Variants in ADAMTS19 observed in about 807,000 individuals in gnomAD.
ADAMTS19 encodes A disintegrin and metalloproteinase with thrombospondin motifs 19.
Under a neutral mutation model 153.3 loss-of-function variants are expected in ADAMTS19, and 93 were observed. The ratio of observed to expected loss-of-function variants is 0.61; its 90% CI spans 0.51 to 0.72. ADAMTS19 has a LOEUF of 0.72. Among genes scored for constraint, ADAMTS19 ranks in the 30% least tolerant of loss-of-function variants. The pLI is 0.00. For synonymous variants in ADAMTS19, 600 were observed against 556.6 expected, an observed-to-expected ratio of 1.08 and a Z score of -1.10; for missense variants, 1,482 against 1,552.1, an observed-to-expected ratio of 0.95 and a Z score of 0.76.
chr5:129,556,920 A>T (rs1454124423), intron 7 of ADAMTS19, among the ~76,000 whole-genome samples: 1 of 152,186 alleles, frequency 6.6e-6, no homozygotes, highest in Non-Finnish European at 1.5e-5. Flanking sequence ...TAACCTAGAA[A>T]ACTGCAAGAA....
intron 2 of ADAMTS19, among the ~76,000 whole-genome samples, chr5:129,497,612 C>A (rs1253833787): frequency 6.6e-6 from 1 of 152,114 alleles, no homozygotes; most frequent in Admixed American, 6.6e-5. Flanking sequence ...TTACAGGCAG[C>A]TGTCTCTTCC....
At chr5:129,571,427 A>G (rs1484082897) in intron 7 of ADAMTS19, among the ~76,000 whole-genome samples, 2 of 151,678 alleles carry the variant, frequency 1.3e-5, no homozygotes, top group Non-Finnish European at 1.5e-5. Flanking sequence ...GTGTAATCAG[A>G]GCTCCAAAAT....
intron 8 of ADAMTS19, among the ~76,000 whole-genome samples, chr5:129,603,658 G>A (rs576811363): frequency 1.8e-4 from 28 of 152,220 alleles, no homozygotes; most frequent in Admixed American, 7.2e-4. Context: ...GCATAATCCC[G>A]TGACCATTTT....
intron 18 of ADAMTS19, among the ~76,000 whole-genome samples, chr5:129,688,418 T>A (rs1053076129): frequency 1.3e-5 from 2 of 152,158 alleles, no homozygotes; most frequent in African/African-American, 4.8e-5. Context: ...CTGTAATAAG[T>A]GGGAAAATAA....
At chr5:129,648,764 A>G (rs1481413321) in intron 12 of ADAMTS19, 34 bp from the exon 13 acceptor site, 3 of 1,592,522 alleles carry the variant, frequency 1.9e-6, no homozygotes, top group African/African-American at 1.3e-5. Flanking sequence ...AACATAAAAA[A>G]CATAAAATTG....
intron 7 of ADAMTS19, among the ~76,000 whole-genome samples, chr5:129,576,977 C>T (rs1468314735): frequency 6.6e-6 from 1 of 152,130 alleles, no homozygotes; most frequent in Non-Finnish European, 1.5e-5. Context: ...CTCTGACTTC[C>T]ATGGCAGTCG....
intron 2 of ADAMTS19, among the ~76,000 whole-genome samples, chr5:129,488,026 TG>T (rs1750653582): frequency 6.6e-6 from 1 of 152,050 alleles, no homozygotes; most frequent in African/African-American, 2.4e-5. Flanking sequence ...AAAGTAACGT[TG>T]TAACTCTGTA....
chr5:129,641,319 T>A (rs1403399526), intron 10 of ADAMTS19, among the ~76,000 whole-genome samples: 1 of 152,194 alleles, frequency 6.6e-6, no homozygotes, highest in African/African-American at 2.4e-5. Context: ...AAATCCTTCA[T>A]ACTGAAGTAA....
intron 6 of ADAMTS19, among the ~76,000 whole-genome samples, chr5:129,531,462 T>G (rs1475387092): frequency 6.6e-6 from 1 of 152,080 alleles, no homozygotes; most frequent in African/African-American, 2.4e-5. Context: ...TCATCTCTAC[T>G]AAGATTACAA....
rs3979147 is a variant in ADAMTS19, at chr5:129,608,846, C to CAAA, written c.1479-11764_1479-11762dup. On this transcript the variant is annotated intron_variant, in intron 8 of 22. Coordinates refer to ENST00000274487, the MANE Select transcript of ADAMTS19 (RefSeq NM_133638.6). The stretch of plus-strand genomic sequence containing the variant: ...TGGTCAATACAGCAAGACTCTGTCT[C>CAAA]AAAAAAAAAAGAAAAAAAAAAAGAG... Among the ~76,000 whole-genome samples the CAAA allele has an allele frequency of 6.9e-3, 899 of 130,562 alleles. 15 individuals are homozygous for CAAA. Among genetic ancestry groups the CAAA allele is most frequent in the Non-Finnish European group, 0.011 (679 of 62,926 alleles). 85.7% of individuals were successfully genotyped at this position (130,562 alleles called of 152,430 possible).
chr5:129,508,222 A>T (rs369819468), intron 2 of ADAMTS19, among the ~76,000 whole-genome samples: 2 of 152,018 alleles, frequency 1.3e-5, no homozygotes, highest in African/African-American at 4.8e-5. Context: ...ACTATTTGCT[A>T]AAGAGATAAT....
chr5:129,526,531 G>T, intron 4 of ADAMTS19, 75 bp downstream of exon 4: 1 of 1,392,106 alleles, frequency 7.2e-7, no homozygotes, highest in Non-Finnish European at 9.7e-7. Context: ...TATTTATAAT[G>T]AAATTCTTTA....
At chr5:129,578,549 A>T (rs1008242047) in intron 7 of ADAMTS19, among the ~76,000 whole-genome samples, 3 of 151,434 alleles carry the variant, frequency 2.0e-5, no homozygotes, top group Non-Finnish European at 2.9e-5. Context: ...GCACCCATTA[A>T]CCCGTCATCT....
chr5:129,633,091 C>A (rs1752374737), intron 10 of ADAMTS19, among the ~76,000 whole-genome samples: 1 of 152,066 alleles, frequency 6.6e-6, no homozygotes, highest in Admixed American at 6.6e-5. Flanking sequence ...CTTTCTCCTT[C>A]AGAGTGGGTA....
Position 129,460,349 on chromosome 5 carries a change from G to T in ADAMTS19, c.-43G>T. The T allele has an allele frequency of 6.3e-7, 1 of 1,576,228 alleles. No individual in the cohort carries two copies. The highest frequency in any genetic ancestry group is 1.7e-5 in the Admixed American group (1 of 59,840). On this transcript the variant is annotated 5_prime_UTR_variant, in exon 1 of 23. Transcript: ENST00000274487. ...CTGCGCCCCGGAGTGGATCGCGCTG[G>T]AGGCGTGCGCCGGGCGAGAAGCCGC...
rs571906589 is a variant in ADAMTS19 at position 129,578,941 on chromosome 5, C to T, written c.1373-17618C>T. 7.9e-5 allele frequency among the ~76,000 whole-genome samples: 12 copies of T among 152,174 alleles called. No homozygotes were observed. The South Asian group carries it at 2.3e-3, about 29-fold the overall frequency. On this transcript the variant is annotated intron_variant, in intron 7 of 22. Coordinates refer to ENST00000274487, the MANE Select transcript of ADAMTS19 (RefSeq NM_133638.6). ...CTTTATAGTAGAATGATTTATAATCCTTTGGGTATATACCCAGTAATGGGA... is the reference window on the plus strand; with the variant it reads ...CTTTATAGTAGAATGATTTATAATCTTTTGGGTATATACCCAGTAATGGGA...
At chr5:129,684,515 C>CATTAT (rs1561648077) in intron 18 of ADAMTS19, among the ~76,000 whole-genome samples, 1 of 149,072 alleles carries the variant, frequency 6.7e-6, no homozygotes, top group Non-Finnish European at 1.5e-5. Flanking sequence ...CATTACATTA[C>CATTAT]ATTACATTAC....
intron 6 of ADAMTS19, among the ~76,000 whole-genome samples, chr5:129,529,222 G>A (rs1290800991): frequency 1.3e-5 from 2 of 152,018 alleles, no homozygotes; most frequent in African/African-American, 4.8e-5. Flanking sequence ...TGCTCTATAT[G>A]ATTACTATAT....
chr5:129,460,386 C>T lies in ADAMTS19; in HGVS notation c.-6C>T. The T allele has an allele frequency of 1.2e-6, 2 of 1,612,546 alleles. No individual in the cohort carries two copies. The highest frequency in any genetic ancestry group is 1.7e-4 in the Middle Eastern group (1 of 6,022). On this transcript the variant is annotated 5_prime_UTR_variant, in exon 1 of 23. Coordinates refer to ENST00000274487, the MANE Select transcript of ADAMTS19 (RefSeq NM_133638.6). Reference sequence around the variant, plus strand: ...GGGCGAGAAGCCGCGGCCGCGGGAGCGCAGTATGGGGAAGAACCGCGAGAT... The same window carrying T: ...GGGCGAGAAGCCGCGGCCGCGGGAGTGCAGTATGGGGAAGAACCGCGAGAT...
Sources: allele counts gnomAD v4.1 joint callset (sites outside exome capture counted in the v4.1 genomes callset), GRCh38; gene constraint gnomAD v4.1.1; transcripts MANE v1.5; gene names NCBI Gene and HGNC (gene_info 2026-07-23, HGNC 2026-07-21).